HIPK3: variants seen among roughly 807,000 people sequenced by gnomAD.
HIPK3 encodes the protein homeodomain interacting protein kinase 3, also known as homeodomain-interacting protein kinase 3.
HIPK3 carries 47 observed loss-of-function variants against 124.2 expected under a neutral mutation model. The observed-to-expected ratio is 0.38, with a 90% CI of 0.30 to 0.48. The LOEUF is 0.48. Ranked by LOEUF, HIPK3 falls within the 20% of genes least tolerant of loss-of-function variation. HIPK3 has a pLI of 0.98. For missense variants in HIPK3, 1,286 were observed against 1,454.3 expected, an observed-to-expected ratio of 0.88 and a Z score of 1.88; for synonymous variants, 482 against 515.2, an observed-to-expected ratio of 0.94 and a Z score of 0.87.
At chr11:33,344,845 G>A (rs1257937974) in intron 8 of HIPK3, among the ~76,000 whole-genome samples, 3 of 152,166 alleles carry the variant, frequency 2.0e-5, no homozygotes, top group Admixed American at 2.0e-4. Flanking sequence ...TATCTAACGG[G>A]TAGATGTTAT....
rs530840724 is a variant in HIPK3 at position 33,313,657 on chromosome 11, G to A, written c.1098-14853G>A. ...ATTATGTCAACATGATCAGTTATAA[G>A]GAAAAAAAAGTATAGGAAAAATACT... On this transcript the variant is annotated intron_variant, in intron 2 of 16. Coordinates refer to ENST00000303296, the MANE Select transcript of HIPK3 (RefSeq NM_005734.5). 1.8e-4 allele frequency among the ~76,000 whole-genome samples: 27 copies of A among 151,714 alleles called. No homozygotes were observed. In the East Asian group the frequency reaches 5.2e-3, roughly 29 times the overall value.
chr11:33,322,097 T>C (rs1313899114), intron 2 of HIPK3, among the ~76,000 whole-genome samples: 1 of 152,158 alleles, frequency 6.6e-6, no homozygotes, highest in South Asian at 2.1e-4. Context: ...CCTCCCGGGT[T>C]CACACCATTC....
intron 1 of HIPK3, among the ~76,000 whole-genome samples, chr11:33,264,274 T>C (rs2133864331): frequency 6.6e-6 from 1 of 152,340 alleles, no homozygotes; most frequent in Middle Eastern, 3.4e-3. Context: ...GAAAGACTTA[T>C]TCTTTCATAT....
chr11:33,349,051 C>A, intron 13 of HIPK3, 96 bp from the exon 14 acceptor site: 1 of 1,172,446 alleles, frequency 8.5e-7, no homozygotes, highest in Non-Finnish European at 1.2e-6. Flanking sequence ...TCATTCTTAA[C>A]AGTTTCATAT....
In HIPK3 at chr11:33,257,672, C is replaced by G; in HGVS notation, c.-220C>G. 1 of 993,912 alleles carries G rather than the reference C, an allele frequency of 1.0e-6. No individual in the cohort carries two copies. The highest frequency in any genetic ancestry group is 1.2e-6 in the Non-Finnish European group (1 of 836,222). 61.6% of individuals were successfully genotyped at this position (993,912 alleles called of 1,614,324 possible). Reference sequence around the variant, plus strand: ...GCCCGGCGCTTAGCAGCCAGAGCAGCAGCAGCAGCAGCAGCGGTCGGGGGA... The same window carrying G: ...GCCCGGCGCTTAGCAGCCAGAGCAGGAGCAGCAGCAGCAGCGGTCGGGGGA... On this transcript the variant is annotated 5_prime_UTR_variant, in exon 1 of 17. Coordinates refer to ENST00000303296, the MANE Select transcript of HIPK3 (RefSeq NM_005734.5).
chr11:33,341,160 CTTTT>C, intron 7 of HIPK3, 33 bp downstream of exon 7: 2 of 1,463,956 alleles, frequency 1.4e-6, no homozygotes, highest in East Asian at 2.4e-5. Flanking sequence ...AACTTAGGGT[CTTTT>C]TTTAATGATT....
At chr11:33,350,158 A>G (rs1351774351) in intron 14 of HIPK3, among the ~76,000 whole-genome samples, 3 of 152,188 alleles carry the variant, frequency 2.0e-5, no homozygotes, top group Admixed American at 6.5e-5. Flanking sequence ...AAAAACATAT[A>G]CTTTAGCAAA....
intron 1 of HIPK3, among the ~76,000 whole-genome samples, chr11:33,278,058 G>A (rs1455193379): frequency 2.0e-5 from 3 of 151,982 alleles, no homozygotes; most frequent in African/African-American, 7.3e-5. Context: ...TTAAATTTTA[G>A]TAAAATCAAA....
intron 2 of HIPK3, among the ~76,000 whole-genome samples, chr11:33,296,707 A>T (rs1445110799): frequency 6.6e-6 from 1 of 152,196 alleles, no homozygotes; most frequent in Non-Finnish European, 1.5e-5. Context: ...CTGTGCCTAT[A>T]TAAGATGGTG....
intron 1 of HIPK3, among the ~76,000 whole-genome samples, chr11:33,280,463 A>G (rs1482039564): frequency 1.3e-5 from 2 of 152,182 alleles, no homozygotes; most frequent in Non-Finnish European, 2.9e-5. Context: ...TCAAGTTAAT[A>G]AGTAATTTAT....
intron 2 of HIPK3, among the ~76,000 whole-genome samples, chr11:33,312,892 A>G (rs1307813643): frequency 1.3e-5 from 2 of 152,236 alleles, no homozygotes; most frequent in East Asian, 1.9e-4. Flanking sequence ...TTGAGGCTGC[A>G]GTGACGTTTA....
intron 8 of HIPK3, among the ~76,000 whole-genome samples, chr11:33,346,433 A>G (rs1853494782): frequency 6.6e-6 from 1 of 152,222 alleles, no homozygotes; most frequent in Non-Finnish European, 1.5e-5. Flanking sequence ...GGAGGTTGAA[A>G]TGAGTGTGCC....
At chr11:33,306,128 ATATACT>A (rs1852151970) in intron 2 of HIPK3, among the ~76,000 whole-genome samples, 1 of 152,242 alleles carries the variant, frequency 6.6e-6, no homozygotes, top group Non-Finnish European at 1.5e-5. Flanking sequence ...CTGAAATCTA[ATATACT>A]TAAATGAGAA....
chr11:33,313,969 A>G (rs1161872317), intron 2 of HIPK3, among the ~76,000 whole-genome samples: 1 of 151,998 alleles, frequency 6.6e-6, no homozygotes, highest in Non-Finnish European at 1.5e-5. Flanking sequence ...CGGCTTCCCA[A>G]GTAGCTGGGA....
chr11:33,278,224 G>A (rs1214027653), intron 1 of HIPK3, among the ~76,000 whole-genome samples: 1 of 152,106 alleles, frequency 6.6e-6, no homozygotes, highest in African/African-American at 2.4e-5. Context: ...AATACATTTT[G>A]TGCTATGTAA....
rs776353138 is a variant in HIPK3, at chr11:33,353,307, T to C, written c.3387T>C (p.Ser1129=). ...ACCCATCATCAGCCACCCTCAGTAGTGCTGCACCAGTGGCCCACCTGTTAG... is the reference window on the plus strand; with the variant it reads ...ACCCATCATCAGCCACCCTCAGTAGCGCTGCACCAGTGGCCCACCTGTTAG... ...LPYPSSATLS[S]AAPVAHLLAS... Residue 1129 remains serine, a synonymous_variant, in exon 17 of 17, where the codon AGT becomes AGC. Coordinates refer to ENST00000303296, the MANE Select transcript of HIPK3 (RefSeq NM_005734.5). 6.2e-7 allele frequency: 1 copy of C among 1,614,170 alleles called. No homozygotes were observed. The highest frequency in any genetic ancestry group is 1.1e-5 in the South Asian group (1 of 91,084).
In HIPK3 at chr11:33,257,666, G is replaced by GAGCAGC. The variant is rs1169498647; in HGVS notation, c.-210_-205dup. The GAGCAGC allele has an allele frequency of 9.5e-5, 94 of 993,978 alleles. No individual in the cohort carries two copies. Among genetic ancestry groups the GAGCAGC allele is most frequent in the South Asian group, 1.8e-4 (4 of 22,390 alleles). 61.6% of individuals were successfully genotyped at this position (993,978 alleles called of 1,614,324 possible). The stretch of plus-strand genomic sequence containing the variant: ...AGACGGGCCCGGCGCTTAGCAGCCA[G>GAGCAGC]AGCAGCAGCAGCAGCAGCAGCGGTC... On this transcript the variant is annotated 5_prime_UTR_variant, in exon 1 of 17. Coordinates refer to ENST00000303296, the MANE Select transcript of HIPK3 (RefSeq NM_005734.5).
At chr11:33,304,520 G>A (rs540544832) in intron 2 of HIPK3, among the ~76,000 whole-genome samples, 159 of 151,284 alleles carry the variant, frequency 1.1e-3, no homozygotes, top group Non-Finnish European at 2.1e-3. Context: ...TCATGCCATT[G>A]CACTCCAGCC....
chr11:33,351,526 T>C (rs1371459144), intron 14 of HIPK3, 82 bp from the exon 15 acceptor site: 1 of 891,370 alleles, frequency 1.1e-6, no homozygotes, highest in Non-Finnish European at 1.8e-6. Flanking sequence ...TCTCATCAGT[T>C]CACTGGAGCC....
Sources: allele counts gnomAD v4.1 joint callset (sites outside exome capture counted in the v4.1 genomes callset), GRCh38; gene constraint gnomAD v4.1.1; transcripts MANE v1.5; gene names NCBI Gene and HGNC (gene_info 2026-07-23, HGNC 2026-07-21).